RPTOR: variants seen among roughly 807,000 people sequenced by gnomAD.
RPTOR encodes the protein regulatory-associated protein of mTOR.
Under a neutral mutation model 169.9 loss-of-function variants are expected in RPTOR, and 21 were observed. The observed-to-expected ratio is 0.12, with a 90% CI of 0.09 to 0.18. The LOEUF (loss-of-function observed/expected upper bound fraction) is 0.18. Ranked by LOEUF, RPTOR falls within the 10% of genes least tolerant of loss-of-function variation. The pLI is 1.00. For missense variants in RPTOR, 1,133 were observed against 1,855.9 expected (o/e 0.61, Z 7.16); for synonymous variants, 732 against 753.2 (o/e 0.97, Z 0.46).
intron 7 of RPTOR, among the ~76,000 whole-genome samples, 187 bp downstream of exon 7, chr17:80,791,696 T>C (rs554881799): frequency 6.6e-6 from 1 of 152,288 alleles, no homozygotes; most frequent in Admixed American, 6.5e-5. Context: ...GTGCAGGAGA[T>C]AACCAAACAT....
chr17:80,949,149 C>T (rs879438608), intron 27 of RPTOR, among the ~76,000 whole-genome samples: 9 of 152,148 alleles, frequency 5.9e-5, no homozygotes, highest in African/African-American at 1.9e-4. Context: ...AGGGCAGCCC[C>T]GGCTCCCAGG....
intron 3 of RPTOR, among the ~76,000 whole-genome samples, chr17:80,699,208 G>A (rs34143200): frequency 0.18 from 26,748 of 152,258 alleles, 3,763 homozygotes; most frequent in African/African-American, 0.39. Context: ...AACTCCAATA[G>A]GAAGTATTTA....
chr17:80,679,763 G>T (rs2065884726), intron 3 of RPTOR, among the ~76,000 whole-genome samples: 1 of 152,262 alleles, frequency 6.6e-6, no homozygotes, highest in Non-Finnish European at 1.5e-5. Context: ...TTTAGCTGTT[G>T]TCATTCAAAG....
intron 17 of RPTOR, 35 bp from the exon 18 acceptor site, chr17:80,891,685 C>G: frequency 7.3e-7 from 1 of 1,379,042 alleles, no homozygotes; most frequent in African/African-American, 1.5e-5. Flanking sequence ...TTTCCAGCCC[C>G]AGTGACTGTT....
chr17:80,574,419 G>C (rs1231789558), intron 1 of RPTOR, among the ~76,000 whole-genome samples: 1 of 151,494 alleles, frequency 6.6e-6, no homozygotes, highest in African/African-American at 2.4e-5. Flanking sequence ...ACCCGCCTCA[G>C]CCTCCCAAAG....
At chr17:80,607,053 G>A (rs988646041) in intron 1 of RPTOR, among the ~76,000 whole-genome samples, 6 of 152,182 alleles carry the variant, frequency 3.9e-5, no homozygotes, top group African/African-American at 7.2e-5. Context: ...TAGCAGCTGA[G>A]TGTGAGGTGC....
At chr17:80,885,220 C>T (rs562355810) in intron 17 of RPTOR, 72 bp downstream of exon 17, 1 of 1,510,516 alleles carries the variant, frequency 6.6e-7, no homozygotes, top group African/African-American at 1.4e-5. Flanking sequence ...GCCAAGCCCG[C>T]ATGGCCCTGA....
intron 9 of RPTOR, among the ~76,000 whole-genome samples, chr17:80,825,546 C>T (rs1048398651): frequency 1.3e-5 from 2 of 152,234 alleles, no homozygotes; most frequent in African/African-American, 4.8e-5. Flanking sequence ...AGAAAAAAGG[C>T]CAGCTATTCT....
rs928357784 is a variant in RPTOR, at chr17:80,808,389, A to G, written c.891-13812A>G. Among the ~76,000 whole-genome samples the G allele has an allele frequency of 6.6e-5, 10 of 152,286 alleles. No homozygotes were observed. The East Asian group carries it at 1.9e-3, about 29-fold the overall frequency. ...GCAGTGGCTCGTGATGCACCACTGC[A>G]CTCCAGCTTGGGTGACAGAGCAAGA... On this transcript the variant is annotated intron_variant, in intron 7 of 33. Coordinates refer to ENST00000306801, the MANE Select transcript of RPTOR (RefSeq NM_020761.3).
intron 24 of RPTOR, among the ~76,000 whole-genome samples, chr17:80,926,670 T>G (rs1258369899): frequency 1.3e-5 from 2 of 152,202 alleles, no homozygotes; most frequent in Non-Finnish European, 2.9e-5. Flanking sequence ...ACAACATTCC[T>G]TAAAAAGAAA....
intron 3 of RPTOR, among the ~76,000 whole-genome samples, chr17:80,661,426 CA>C (rs2065723094): frequency 6.6e-6 from 1 of 152,172 alleles, no homozygotes; most frequent in Non-Finnish European, 1.5e-5. Context: ...GCGGGAGCCC[CA>C]GGACTCACTC....
At chr17:80,808,947 G>T (rs2067246115) in intron 7 of RPTOR, among the ~76,000 whole-genome samples, 1 of 152,210 alleles carries the variant, frequency 6.6e-6, no homozygotes, top group Non-Finnish European at 1.5e-5. Context: ...TGTCCTGACT[G>T]TTATGAACAA....
intron 3 of RPTOR, among the ~76,000 whole-genome samples, chr17:80,680,841 C>T (rs982748629): frequency 6.6e-6 from 1 of 152,124 alleles, no homozygotes; most frequent in African/African-American, 2.4e-5. Flanking sequence ...TAAAATCCCA[C>T]GTCGCACGTA....
chr17:80,599,834 C>T (rs1599590124), intron 1 of RPTOR, among the ~76,000 whole-genome samples: 1 of 152,190 alleles, frequency 6.6e-6, no homozygotes, highest in Admixed American at 6.5e-5. Flanking sequence ...GTCATTGTTG[C>T]TGTGGGAAAG....
chr17:80,775,025 A>G (rs544190665), intron 6 of RPTOR, among the ~76,000 whole-genome samples: 7 of 152,118 alleles, frequency 4.6e-5, no homozygotes, highest in Non-Finnish European at 7.4e-5. Flanking sequence ...TCCGTCCTCC[A>G]CTGTCTTGCT....
chr17:80,820,647 C>G lies in RPTOR; in HGVS notation c.891-1554C>G, dbSNP rs552918650. Among the ~76,000 whole-genome samples the G allele has an allele frequency of 1.3e-5, 2 of 152,334 alleles. No homozygotes were observed. The highest frequency in any genetic ancestry group is 3.9e-4 in the East Asian group (2 of 5,182). On this transcript the variant is annotated intron_variant, in intron 7 of 33. Transcript: ENST00000306801. The surrounding 1 kb of genome is among the most constrained non-coding windows in gnomAD (Gnocchi z 4.1). ...ACTCCCCTGCTCGGAGGTCGGAGGG[C>G]AGGCAGCCTGGCCATTCCTCCTGCG...
chr17:80,809,389 C>T (rs1018681219), intron 7 of RPTOR, among the ~76,000 whole-genome samples: 11 of 152,136 alleles, frequency 7.2e-5, no homozygotes, highest in African/African-American at 2.4e-4. Flanking sequence ...GATGGGGTTT[C>T]ACCATGTTGC....
intron 17 of RPTOR, among the ~76,000 whole-genome samples, chr17:80,889,341 T>G (rs576451639): frequency 2.0e-5 from 3 of 152,056 alleles, no homozygotes; most frequent in Admixed American, 6.5e-5. Flanking sequence ...AGCTGACAGG[T>G]GAAAGTATGA....
chr17:80,603,327 G>A (rs2065204455), intron 1 of RPTOR, among the ~76,000 whole-genome samples: 1 of 152,202 alleles, frequency 6.6e-6, no homozygotes, highest in Non-Finnish European at 1.5e-5. Context: ...ATTTTTCTGG[G>A]AGCTTCACAT....
Sources: gnomAD v4.1 joint callset for allele counts (sites outside exome capture counted in the v4.1 genomes callset) on GRCh38, gnomAD v4.1.1 for gene constraint, Gnocchi (gnomAD v3.1) non-coding constraint, MANE v1.5 for transcripts, NCBI Gene and HGNC (gene_info 2026-07-23, HGNC 2026-07-21) for gene names.